The following CACNA2D3 variants were observed in gnomAD, a reference collection of about 807,000 sequenced individuals.
The protein encoded by CACNA2D3 is voltage-dependent calcium channel subunit alpha-2/delta-3.
CACNA2D3 carries 60 observed loss-of-function variants against 160.6 expected under a neutral mutation model. The ratio of observed to expected loss-of-function variants is 0.37; its 90% confidence interval spans 0.30 to 0.46. The LOEUF is 0.46. Among genes scored for constraint, CACNA2D3 ranks in the 20% least tolerant of loss-of-function variants. The pLI, the probability that CACNA2D3 is intolerant of heterozygous loss-of-function variation, is 1.00. For missense variants in CACNA2D3, 1,205 were observed against 1,365.0 expected (o/e 0.88, Z 1.85); for synonymous variants, 558 against 492.9 (o/e 1.13, Z -1.75).
In CACNA2D3 at chr3:54,774,463, CAGG is replaced by C. The variant is rs201476778; in HGVS notation, c.1380+10115_1380+10117del. On this transcript the variant is annotated intron_variant, in intron 13 of 37. Transcript: ENST00000474759. Reference sequence around the variant, plus strand: ...GATCTCGTGAGCACTCACTCACTCTCAGGAGAACAGCAAGGGCGGACATCTGCA... The same window carrying C: ...GATCTCGTGAGCACTCACTCACTCTCAGAACAGCAAGGGCGGACATCTGCA... 9.4e-3 allele frequency among the ~76,000 whole-genome samples: 1,424 copies of C among 152,082 alleles called. 27 individuals are homozygous for C. Among genetic ancestry groups the C allele is most frequent in the African/African-American group, 0.032 (1,321 of 41,458 alleles).
At chr3:55,066,745 A>G (rs764611766) in intron 35 of CACNA2D3, among the ~76,000 whole-genome samples, 31 of 151,896 alleles carry the variant, frequency 2.0e-4, no homozygotes, top group African/African-American at 6.8e-4. Context: ...CCCTCTCCCA[A>G]CTCCCTTTCC....
chr3:54,423,173 C>A (rs921986106), intron 4 of CACNA2D3, among the ~76,000 whole-genome samples: 6 of 151,962 alleles, frequency 3.9e-5, no homozygotes, highest in Non-Finnish European at 7.4e-5. Flanking sequence ...CTGTTGATGA[C>A]ATCTGGGAAG....
At chr3:54,402,462 C>G (rs1699486241) in intron 4 of CACNA2D3, among the ~76,000 whole-genome samples, 1 of 151,558 alleles carries the variant, frequency 6.6e-6, no homozygotes, top group Admixed American at 6.6e-5. Context: ...CAAATGGCAA[C>G]CAAAAAAAAG....
At chr3:54,144,402 G>A (rs140295030) in intron 2 of CACNA2D3, among the ~76,000 whole-genome samples, 1 of 152,324 alleles carries the variant, frequency 6.6e-6, no homozygotes, top group African/African-American at 2.4e-5. Flanking sequence ...TCCTCATAAG[G>A]GGATTCACTG....
chr3:54,877,359 A>C (rs947006818), intron 18 of CACNA2D3, among the ~76,000 whole-genome samples: 3 of 152,210 alleles, frequency 2.0e-5, no homozygotes, highest in African/African-American at 7.2e-5. Context: ...TGATACAGAT[A>C]CTGTTGACTG....
intron 14 of CACNA2D3, among the ~76,000 whole-genome samples, chr3:54,834,695 A>G (rs1411015112): frequency 2.0e-5 from 3 of 152,188 alleles, no homozygotes; most frequent in South Asian, 2.1e-4. Context: ...ATTATTAGTC[A>G]TGGTTCTCTA....
At chr3:54,548,631 T>C (rs538629910) in intron 5 of CACNA2D3, among the ~76,000 whole-genome samples, 1 of 152,104 alleles carries the variant, frequency 6.6e-6, no homozygotes, top group Admixed American at 6.6e-5. Context: ...CCTCTTCCAG[T>C]TACAAAAACC....
intron 10 of CACNA2D3, among the ~76,000 whole-genome samples, chr3:54,630,091 G>A (rs1699202209): frequency 2.6e-5 from 4 of 152,170 alleles, no homozygotes; most frequent in South Asian, 4.2e-4. Flanking sequence ...GTGTAATCTT[G>A]TGCAGCTGTG....
intron 29 of CACNA2D3, among the ~76,000 whole-genome samples, chr3:54,977,815 C>A (rs1441692488): frequency 3.9e-5 from 6 of 152,112 alleles, no homozygotes; most frequent in African/African-American, 1.4e-4. Context: ...CATGGAAAGT[C>A]CACAGAGTAA....
intron 9 of CACNA2D3, among the ~76,000 whole-genome samples, chr3:54,599,700 T>C (rs1703027970): frequency 6.6e-6 from 1 of 152,206 alleles, no homozygotes; most frequent in African/African-American, 2.4e-5. Context: ...CTTGTTTCCT[T>C]TTCCTGCCCT....
At chr3:55,017,183 A>G (rs77196259) in intron 34 of CACNA2D3, among the ~76,000 whole-genome samples, 1 of 152,338 alleles carries the variant, frequency 6.6e-6, no homozygotes, top group African/African-American at 2.4e-5. Context: ...GGAAATCTAC[A>G]AACATTCTCT....
intron 35 of CACNA2D3, among the ~76,000 whole-genome samples, chr3:55,023,677 A>G (rs563997416): frequency 1.3e-5 from 2 of 152,070 alleles, no homozygotes; most frequent in Non-Finnish European, 2.9e-5. Flanking sequence ...GTTTCTCTTC[A>G]CAATATATTT....
chr3:54,808,180 A>T (rs1703184859), intron 13 of CACNA2D3, among the ~76,000 whole-genome samples: 1 of 152,068 alleles, frequency 6.6e-6, no homozygotes. Flanking sequence ...CATTGTGCAC[A>T]TGTACCCTAC....
chr3:54,301,560 G>A (rs926850449), intron 2 of CACNA2D3, among the ~76,000 whole-genome samples: 2 of 152,156 alleles, frequency 1.3e-5, no homozygotes, highest in Non-Finnish European at 1.5e-5. Context: ...AATAATTTTA[G>A]TAGGAAATCA....
chr3:54,619,743 C>T (rs1315414814), intron 9 of CACNA2D3, among the ~76,000 whole-genome samples: 3 of 152,310 alleles, frequency 2.0e-5, no homozygotes, highest in African/African-American at 7.2e-5. Context: ...GTCTGATTTA[C>T]AGGAACCTAG....
chr3:54,606,175 C>T (rs1408616578), intron 9 of CACNA2D3, among the ~76,000 whole-genome samples: 1 of 151,994 alleles, frequency 6.6e-6, no homozygotes, highest in Non-Finnish European at 1.5e-5. Flanking sequence ...ATTTATGAAT[C>T]ACATAATAAC....
chr3:54,580,596 G>A (rs562431225), intron 8 of CACNA2D3, among the ~76,000 whole-genome samples: 11 of 152,236 alleles, frequency 7.2e-5, no homozygotes, highest in South Asian at 2.1e-4. Flanking sequence ...ATACCATAAC[G>A]CTGTCATCAA....
intron 2 of CACNA2D3, among the ~76,000 whole-genome samples, chr3:54,126,058 T>C (rs185987266): frequency 1.3e-4 from 20 of 152,324 alleles, no homozygotes; most frequent in African/African-American, 4.8e-4. Context: ...ATTGCTCTTT[T>C]TAAGGCATGG....
chr3:55,014,201 G>A (rs1261095627), intron 34 of CACNA2D3, among the ~76,000 whole-genome samples: 2 of 152,218 alleles, frequency 1.3e-5, no homozygotes, highest in African/African-American at 4.8e-5. Context: ...CACAGGGTTT[G>A]GCATGTAGTA....
Sources: gnomAD v4.1 joint callset for allele counts (sites outside exome capture counted in the v4.1 genomes callset) on GRCh38, gnomAD v4.1.1 for gene constraint, MANE v1.5 for transcripts, NCBI Gene and HGNC (gene_info 2026-07-23, HGNC 2026-07-21) for gene names.